The following CPLX1 variants were observed in gnomAD, a reference collection of about 807,000 sequenced individuals.
CPLX1 encodes the protein complexin-1.
A neutral mutation model predicts 15.6 loss-of-function variants in CPLX1; 6 were observed. The ratio of observed to expected loss-of-function variants is 0.39; its 90% confidence interval spans 0.21 to 0.76. The LOEUF (loss-of-function observed/expected upper bound fraction) is 0.76. Ranked by LOEUF, CPLX1 falls within the 30% of genes least tolerant of loss-of-function variation. CPLX1 has a pLI of 0.43. For synonymous variants in CPLX1, 91 were observed against 75.2 expected (o/e 1.21, Z -1.08); for missense variants, 242 against 188.6 (o/e 1.28, Z -1.66).
chr4:801,315 C>G (rs1481250557), intron 2 of CPLX1, among the ~76,000 whole-genome samples: 1 of 151,874 alleles, frequency 6.6e-6, no homozygotes, highest in Non-Finnish European at 1.5e-5. Flanking sequence ...GAGCGAGACT[C>G]TGTCTCAAAA....
chr4:798,272 C>CAAA lies in CPLX1; in HGVS notation c.32-5667_32-5665dup, dbSNP rs35668656. Among the ~76,000 whole-genome samples the CAAA allele has an allele frequency of 8.8e-4, 66 of 75,308 alleles. 1 individual carries two copies. Among genetic ancestry groups the CAAA allele is most frequent in the East Asian group, 1.2e-3 (3 of 2,602 alleles). 49.4% of individuals were successfully genotyped at this position (75,308 alleles called of 152,430 possible). On this transcript the variant is annotated intron_variant, in intron 2 of 3. Coordinates refer to ENST00000304062, the MANE Select transcript of CPLX1 (RefSeq NM_006651.4). The stretch of plus-strand genomic sequence containing the variant: ...CCTGGGTGACAGTGAGACTCCGTCT[C>CAAA]AAAAAAAAAAAAAAAAAAAAGAACA...
At chr4:796,379 G>T (rs1349944215) in intron 2 of CPLX1, among the ~76,000 whole-genome samples, 1 of 152,140 alleles carries the variant, frequency 6.6e-6, no homozygotes, top group African/African-American at 2.4e-5. Context: ...TCCGCCTCCC[G>T]GGTTCACGCA....
intron 2 of CPLX1, among the ~76,000 whole-genome samples, chr4:818,947 C>T (rs1281420398): frequency 6.6e-6 from 1 of 152,230 alleles, no homozygotes; most frequent in Admixed American, 6.5e-5. Context: ...CACTCAGTGT[C>T]CCCCTCGTCT....
intron 3 of CPLX1, chr4:788,550 A>G (rs1577467484): frequency 3.0e-6 from 3 of 985,470 alleles, no homozygotes; most frequent in Non-Finnish European, 3.6e-6. Flanking sequence ...TCTCCGCACA[A>G]CAGGGGCGAC....
chr4:789,093 C>G (rs1403776180), intron 3 of CPLX1, among the ~76,000 whole-genome samples: 1 of 152,236 alleles, frequency 6.6e-6, no homozygotes, highest in Non-Finnish European at 1.5e-5. Flanking sequence ...CCAGGTCATT[C>G]TGAGGCTGAG....
chr4:807,801 CAGAG>C (rs1254777778), intron 2 of CPLX1, among the ~76,000 whole-genome samples: 8 of 152,076 alleles, frequency 5.3e-5, no homozygotes, highest in Non-Finnish European at 7.3e-5. Context: ...TTTTTTAAAA[CAGAG>C]AAGCATAAAT....
At chr4:797,632 T>C (rs1472310266) in intron 2 of CPLX1, among the ~76,000 whole-genome samples, 2 of 147,304 alleles carry the variant, frequency 1.4e-5, no homozygotes, top group Non-Finnish European at 3.0e-5. Context: ...GGCCACAACC[T>C]GACTTTAAGA....
chr4:790,972 C>T (rs1445609159), intron 3 of CPLX1, among the ~76,000 whole-genome samples: 2 of 110,334 alleles, frequency 1.8e-5, no homozygotes, highest in African/African-American at 7.4e-5. Context: ...GTGTCTCTGT[C>T]TCTCCCTCTG....
intron 1 of CPLX1, among the ~76,000 whole-genome samples, chr4:825,631 G>A (rs977241591): frequency 6.6e-6 from 1 of 151,804 alleles, no homozygotes; most frequent in Non-Finnish European, 1.5e-5. Flanking sequence ...GAGGAGAGGG[G>A]GAGCCTCGAG....
intron 2 of CPLX1, among the ~76,000 whole-genome samples, chr4:800,849 G>GTA (rs763825494): frequency 0.018 from 2,388 of 131,630 alleles, 26 homozygotes; most frequent in African/African-American, 0.038. Flanking sequence ...GTATATATAT[G>GTA]TATATATATA....
intron 2 of CPLX1, among the ~76,000 whole-genome samples, chr4:793,356 G>A (rs1258964291): frequency 1.3e-5 from 2 of 152,140 alleles, no homozygotes; most frequent in Non-Finnish European, 2.9e-5. Flanking sequence ...GGGACCGCTT[G>A]TTACTGGCAC....
chr4:786,781 G>A (rs1444110979), intron 3 of CPLX1, 83 bp from the exon 4 acceptor site: 57 of 1,490,924 alleles, frequency 3.8e-5, no homozygotes, highest in Non-Finnish European at 4.4e-5. Flanking sequence ...GACTGGCCCA[G>A]GAACCCCCGA....
In CPLX1 at chr4:785,008, A is replaced by C. The variant is rs1241695141; in HGVS notation, c.*1493T>G. ...GATTCCATCCGGAGAGAACACACGC[A>C]GGGGCCCCGACATGCAGGAGGAGGC... is the stretch of plus-strand genomic sequence containing the variant. On this transcript the variant is annotated 3_prime_UTR_variant, in exon 4 of 4. Transcript: ENST00000304062. 1 of 152,290 alleles carries C rather than the reference A, an allele frequency of 6.6e-6. No individual in the cohort carries two copies. The highest frequency in any genetic ancestry group is 1.5e-5 in the Non-Finnish European group (1 of 68,084). 9.4% of individuals were successfully genotyped at this position (152,290 alleles called of 1,614,324 possible).
intron 3 of CPLX1, chr4:788,159 C>T (rs1294636047): frequency 2.0e-6 from 2 of 985,200 alleles, no homozygotes; most frequent in Non-Finnish European, 1.2e-6. Context: ...CTGCTCCTGT[C>T]TCAGCAGCCC....
chr4:802,734 G>C (rs7683578), intron 2 of CPLX1, among the ~76,000 whole-genome samples: 9,714 of 152,232 alleles, frequency 0.064, 997 homozygotes, highest in African/African-American at 0.22. Context: ...AGGATCAAAA[G>C]GTCAGGAGTT....
At chr4:795,613 G>A (rs1746310136) in intron 2 of CPLX1, among the ~76,000 whole-genome samples, 1 of 152,164 alleles carries the variant, frequency 6.6e-6, no homozygotes, top group African/African-American at 2.4e-5. Flanking sequence ...CTCGTTCTCT[G>A]AGCCTCAGCT....
intron 2 of CPLX1, among the ~76,000 whole-genome samples, chr4:807,273 T>C (rs1033965516): frequency 1.3e-5 from 2 of 152,072 alleles, no homozygotes; most frequent in South Asian, 2.1e-4. Flanking sequence ...GAGTTGAACA[T>C]TGAGAACACA....
chr4:812,072 T>C (rs1209483183), intron 2 of CPLX1, among the ~76,000 whole-genome samples: 2 of 152,166 alleles, frequency 1.3e-5, no homozygotes, highest in African/African-American at 2.4e-5. Context: ...CTAGAGTCTT[T>C]ATATATTTAT....
chr4:803,962 C>G lies in CPLX1; in HGVS notation c.32-11354G>C, dbSNP rs186890821. On this transcript the variant is annotated intron_variant, in intron 2 of 3. Coordinates refer to ENST00000304062, the MANE Select transcript of CPLX1 (RefSeq NM_006651.4). ...CTGAGATTACAGGCGTGAGCCACCA[C>G]GCCTGGCCTCACGGTGCCTTTTCTA... 7.4e-3 allele frequency among the ~76,000 whole-genome samples: 1,120 copies of G among 152,296 alleles called. 8 individuals are homozygous for G. The highest frequency in any genetic ancestry group is 0.012 in the Non-Finnish European group (840 of 68,002).
Sources: allele counts gnomAD v4.1 joint callset (sites outside exome capture counted in the v4.1 genomes callset), GRCh38; gene constraint gnomAD v4.1.1; transcripts MANE v1.5; gene names NCBI Gene and HGNC (gene_info 2026-07-23, HGNC 2026-07-21).